TARBP1: variants seen among roughly 807,000 people sequenced by gnomAD.
TARBP1 encodes tRNA guanosine 2 -O-methyltransferase TARBP1.
A neutral mutation model predicts 178.6 loss-of-function variants in TARBP1; 144 were observed. That is an observed-to-expected ratio of 0.81 (90% CI 0.70 to 0.93). The LOEUF (loss-of-function observed/expected upper bound fraction) is 0.93, where lower values mean the gene tolerates loss of function less well. Ranked by LOEUF, TARBP1 falls within the 40% of genes least tolerant of loss-of-function variation. The pLI is 0.00. For synonymous variants in TARBP1, 787 were observed against 781.0 expected (o/e 1.01, Z -0.13); for missense variants, 2,067 against 2,011.7 (o/e 1.03, Z -0.53).
At chr1:234,430,051 C>G (rs988794576) in intron 15 of TARBP1, 36 bp downstream of exon 15, 1 of 1,577,034 alleles carries the variant, frequency 6.3e-7, no homozygotes, top group Admixed American at 1.7e-5. Context: ...GTGACAACAA[C>G]AGAAATGGAT....
chr1:234,465,397 GT>G (rs1668330260), intron 5 of TARBP1, among the ~76,000 whole-genome samples: 1 of 152,166 alleles, frequency 6.6e-6, no homozygotes, highest in Non-Finnish European at 1.5e-5. Context: ...AAAGTGTGCT[GT>G]AGAAGACATA....
At position 234,460,273 on chromosome 1, in the gene TARBP1, A is replaced by G; in HGVS notation, c.1523T>C (p.Leu508Pro). ...CAGAGTAAATTACCTGAGAGCAAGA[A>G]GCCCATCTATACCCAGGGCCTTATG... The part of the protein sequence containing the change: ...PRHKALGIDG[L>P]LALRDVIHCT... The change falls in exon 7 of 30, where the codon CTT becomes CCT. Residue 508 changes from leucine to proline, a missense_variant. Physicochemically the swap from Leu to Pro is moderately conservative, Grantham distance 98 (BLOSUM62 -3). Coordinates refer to ENST00000040877, the MANE Select transcript of TARBP1 (RefSeq NM_005646.4). 1 of 1,613,464 alleles carries G rather than the reference A, an allele frequency of 6.2e-7. No individual in the cohort carries two copies. The highest frequency in any genetic ancestry group is 8.5e-7 in the Non-Finnish European group (1 of 1,179,884).
chr1:234,441,155 G>T (rs1665555151), intron 12 of TARBP1, among the ~76,000 whole-genome samples: 1 of 152,240 alleles, frequency 6.6e-6, no homozygotes, highest in Non-Finnish European at 1.5e-5. Flanking sequence ...CTGTACTCCA[G>T]CCTGGGTGAC....
chr1:234,435,349 G>C (rs1664897182), intron 13 of TARBP1, among the ~76,000 whole-genome samples: 1 of 148,522 alleles, frequency 6.7e-6, no homozygotes, highest in South Asian at 2.2e-4. Flanking sequence ...TACAGGCGCG[G>C]TGGCGCACGC....
intron 1 of TARBP1, among the ~76,000 whole-genome samples, chr1:234,474,821 C>T (rs568249791): frequency 1.3e-5 from 2 of 152,210 alleles, no homozygotes; most frequent in Admixed American, 6.5e-5. Flanking sequence ...CATAGGAGAT[C>T]GTTATTGTCA....
intron 21 of TARBP1, 98 bp from the exon 22 acceptor site, chr1:234,418,331 A>G: frequency 9.1e-7 from 1 of 1,100,960 alleles, no homozygotes. Context: ...TTTTATCATA[A>G]GTAATTTATT....
chr1:234,413,666 G>C (rs748099752), intron 22 of TARBP1, among the ~76,000 whole-genome samples: 3 of 152,126 alleles, frequency 2.0e-5, no homozygotes, highest in Admixed American at 1.3e-4. Flanking sequence ...CTGAGACGAC[G>C]TAAGACACTG....
chr1:234,437,384 C>T lies in TARBP1; in HGVS notation c.2135-12G>A. On this transcript the variant is annotated splice_polypyrimidine_tract_variant and intron_variant, in intron 12 of 29. Transcript: ENST00000040877. ...AGTAGACACCTCATCTGTATGGGGG[C>T]AAAAAGCATGCAACTAAAATGACAG... 2 of 1,401,104 alleles carry T rather than the reference C, an allele frequency of 1.4e-6. No individual in the cohort carries two copies. Among genetic ancestry groups the T allele is most frequent in the South Asian group, 1.4e-5 (1 of 71,834 alleles). 86.8% of individuals were successfully genotyped at this position (1,401,104 alleles called of 1,614,324 possible). A position where few individuals can be genotyped will look rare whatever the true frequency, so the allele number is the denominator to read the frequency against.
intron 1 of TARBP1, 89 bp from the exon 2 acceptor site, chr1:234,472,900 A>G: frequency 2.1e-6 from 2 of 934,060 alleles, no homozygotes; most frequent in Non-Finnish European, 1.7e-6. Context: ...TAATGCCACT[A>G]TTACCAAATG....
At chr1:234,451,021 T>C (rs1666704741) in intron 9 of TARBP1, among the ~76,000 whole-genome samples, 1 of 152,214 alleles carries the variant, frequency 6.6e-6, no homozygotes, top group African/African-American at 2.4e-5. Flanking sequence ...AGTTTTATCT[T>C]TGAGAGAATG....
intron 14 of TARBP1, among the ~76,000 whole-genome samples, chr1:234,431,613 T>G (rs1422322014): frequency 6.6e-6 from 1 of 152,218 alleles, no homozygotes; most frequent in Non-Finnish European, 1.5e-5. Flanking sequence ...ATGGCTAACT[T>G]TTATTGAGGA....
intron 9 of TARBP1, among the ~76,000 whole-genome samples, chr1:234,454,228 A>C (rs1667069670): frequency 6.6e-6 from 1 of 152,240 alleles, no homozygotes; most frequent in South Asian, 2.1e-4. Flanking sequence ...ACAATTTTAA[A>C]GCTATGCCTA....
chr1:234,411,848 C>A (rs373820496), intron 22 of TARBP1, among the ~76,000 whole-genome samples: 5 of 152,010 alleles, frequency 3.3e-5, no homozygotes, highest in Non-Finnish European at 7.4e-5. Flanking sequence ...AAATGCCAGA[C>A]AGATTGGAAA....
intron 1 of TARBP1, among the ~76,000 whole-genome samples, chr1:234,476,620 T>C (rs1021548259): frequency 6.6e-6 from 1 of 152,192 alleles, no homozygotes; most frequent in East Asian, 1.9e-4. Flanking sequence ...CAAAATCATA[T>C]GAAAAACTTG....
chr1:234,463,096 A>G (rs1668054229), intron 6 of TARBP1, among the ~76,000 whole-genome samples: 1 of 151,188 alleles, frequency 6.6e-6, no homozygotes, highest in African/African-American at 2.4e-5. Flanking sequence ...TGGTTCTAGG[A>G]CAAGGTCTTA....
In TARBP1 at chr1:234,463,918, T is replaced by C. The variant is rs984739466; in HGVS notation, c.1318A>G (p.Ile440Val). ...AGTCCCAATGGAGAACAGCTTCCTA[T>C]TGGCTGGCCTGGGGACCTACAAACA... is the stretch of plus-strand genomic sequence containing the variant. ...SLYSRSPGQP[I>V]GSCSPLGLKL... Residue 440 changes from isoleucine (I) to valine (V), a missense_variant, in exon 6 of 30, where the codon ATA becomes GTA. Coordinates refer to ENST00000040877, the MANE Select transcript of TARBP1 (RefSeq NM_005646.4). The C allele has an allele frequency of 3.1e-6, 5 of 1,587,902 alleles. No homozygotes were observed. Among genetic ancestry groups the C allele is most frequent in the Admixed American group, 1.8e-5 (1 of 56,030 alleles).
intron 26 of TARBP1, among the ~76,000 whole-genome samples, chr1:234,396,579 G>C (rs1312496035): frequency 2.0e-5 from 3 of 151,940 alleles, no homozygotes; most frequent in Non-Finnish European, 2.9e-5. Context: ...GCAGGGACTC[G>C]GTCTCATGTC....
chr1:234,472,899 T>C (rs1669210264), intron 1 of TARBP1, 88 bp from the exon 2 acceptor site: 1 of 933,056 alleles, frequency 1.1e-6, no homozygotes, highest in East Asian at 2.5e-5. Context: ...ATAATGCCAC[T>C]ATTACCAAAT....
At chr1:234,434,809 A>C (rs1464028306) in intron 13 of TARBP1, among the ~76,000 whole-genome samples, 1 of 152,128 alleles carries the variant, frequency 6.6e-6, no homozygotes, top group Non-Finnish European at 1.5e-5. Context: ...CTGGCTTCAA[A>C]GGTTAGGGAG....
Sources: allele counts gnomAD v4.1 joint callset (sites outside exome capture counted in the v4.1 genomes callset), GRCh38; gene constraint gnomAD v4.1.1; transcripts MANE v1.5; gene names NCBI Gene and HGNC (gene_info 2026-07-23, HGNC 2026-07-21).